The following ZNF503 variants were observed in gnomAD, a reference collection of about 807,000 sequenced individuals.
ZNF503 encodes the protein NocA-like zinc finger 2.
Under a neutral mutation model 34.4 loss-of-function variants are expected in ZNF503, and 15 were observed. The ratio of observed to expected loss-of-function variants is 0.44; its 90% CI spans 0.29 to 0.67. The LOEUF (loss-of-function observed/expected upper bound fraction) is 0.67. ZNF503 is among the 30% of genes least tolerant of loss of function. The pLI is 0.13. For synonymous variants in ZNF503, 580 were observed against 456.8 expected (o/e 1.27, Z -3.44); for missense variants, 1,007 against 926.8 (o/e 1.09, Z -1.12).
chr10:75,300,427 G>A, the ZNF503 span, among the ~76,000 whole-genome samples: 12 of 152,104 alleles, frequency 7.9e-5, no homozygotes, highest in Non-Finnish European at 1.8e-4. Context: ...CTCAGTTTAC[G>A]AAAATGACGG....
the ZNF503 span, among the ~76,000 whole-genome samples, chr10:75,375,679 G>A: frequency 6.6e-6 from 1 of 152,072 alleles, no homozygotes; most frequent in Non-Finnish European, 1.5e-5. Context: ...ACCACACCCG[G>A]CTAATTTTTG....
chr10:75,290,221 G>A, the ZNF503 span, among the ~76,000 whole-genome samples: 1 of 152,272 alleles, frequency 6.6e-6, no homozygotes, highest in East Asian at 1.9e-4. Flanking sequence ...ACCCCATTCT[G>A]TTTATCCATT....
At chr10:75,288,461 T>C in the ZNF503 span, 1 of 152,448 alleles carries the variant, frequency 6.6e-6, no homozygotes, top group Admixed American at 6.5e-5. Context: ...TCCCAAACAG[T>C]AGCAGCAACA....
downstream of ZNF503, among the ~76,000 whole-genome samples, chr10:75,394,959 G>A (rs1209663988): frequency 1.3e-5 from 2 of 152,244 alleles, no homozygotes; most frequent in Non-Finnish European, 2.9e-5. Context: ...GGCACAGGTA[G>A]GGGGATAAGA....
chr10:75,344,402 T>C, the ZNF503 span, among the ~76,000 whole-genome samples: 2 of 152,234 alleles, frequency 1.3e-5, no homozygotes, highest in African/African-American at 2.4e-5. Flanking sequence ...GAAGACCAGA[T>C]GGCACAGCTC....
chr10:75,348,766 C>G, the ZNF503 span, among the ~76,000 whole-genome samples: 1 of 150,854 alleles, frequency 6.6e-6, no homozygotes, highest in East Asian at 2.0e-4. Flanking sequence ...CCCGCCTCAG[C>G]CTCCCAAAGT....
the ZNF503 span, among the ~76,000 whole-genome samples, chr10:75,305,981 G>C: frequency 6.6e-6 from 1 of 152,190 alleles, no homozygotes; most frequent in Non-Finnish European, 1.5e-5. Context: ...TAGCTGTTGT[G>C]AATAATGTTG....
chr10:75,353,772 GGATAAACA>G, the ZNF503 span, among the ~76,000 whole-genome samples: 1 of 152,136 alleles, frequency 6.6e-6, no homozygotes, highest in Non-Finnish European at 1.5e-5. Context: ...GATCACTCTG[GGATAAACA>G]GATAACCCCT....
chr10:75,341,771 C>T, the ZNF503 span, among the ~76,000 whole-genome samples: 1 of 152,168 alleles, frequency 6.6e-6, no homozygotes, highest in Non-Finnish European at 1.5e-5. Context: ...GTAGGACAGA[C>T]AACTTATTTT....
chr10:75,366,549 C>T, the ZNF503 span, among the ~76,000 whole-genome samples: 1 of 152,294 alleles, frequency 6.6e-6, no homozygotes, highest in South Asian at 2.1e-4. Context: ...CCTCTGTGTC[C>T]CCACATGTAA....
the ZNF503 span, among the ~76,000 whole-genome samples, chr10:75,365,393 G>A: frequency 1.3e-5 from 2 of 152,216 alleles, no homozygotes; most frequent in Non-Finnish European, 2.9e-5. Flanking sequence ...TGATCCGCCT[G>A]CCTTGGCCTC....
the ZNF503 span, among the ~76,000 whole-genome samples, chr10:75,389,585 C>T: frequency 6.6e-6 from 1 of 152,116 alleles, no homozygotes; most frequent in Admixed American, 6.5e-5. Context: ...CAAAAAATAG[C>T]CGGATGTGGT....
In ZNF503 at chr10:75,401,458, T is replaced by G. The variant is rs1240403301; in HGVS notation, c.-39A>C. ...GCATGGGAGCAGCGGGGGGGAGGGC[T>G]CCGGGAGGCGCGGGGCGGGCTCGGG... is the stretch of plus-strand genomic sequence containing the variant. On this transcript the variant is annotated 5_prime_UTR_variant, in exon 1 of 2. Coordinates refer to ENST00000372524, the MANE Select transcript of ZNF503 (RefSeq NM_032772.6). The G allele has an allele frequency of 3.3e-6, 5 of 1,508,434 alleles. No homozygotes were observed. Among genetic ancestry groups the G allele is most frequent in the Non-Finnish European group, 4.4e-6 (5 of 1,136,450 alleles). 93.4% of individuals were successfully genotyped at this position (1,508,434 alleles called of 1,614,324 possible).
the ZNF503 span, among the ~76,000 whole-genome samples, chr10:75,357,286 G>A: frequency 6.6e-6 from 1 of 151,998 alleles, no homozygotes; most frequent in African/African-American, 2.4e-5. Flanking sequence ...GGGGGGCAGA[G>A]CTTTGAGGAC....
chr10:75,367,933 G>A, the ZNF503 span, among the ~76,000 whole-genome samples: 1 of 152,168 alleles, frequency 6.6e-6, no homozygotes, highest in Admixed American at 6.5e-5. Flanking sequence ...GCTTGGCCCT[G>A]CCTTTTTCCA....
At chr10:75,292,211 A>G in the ZNF503 span, among the ~76,000 whole-genome samples, 2 of 152,224 alleles carry the variant, frequency 1.3e-5, no homozygotes, top group African/African-American at 4.8e-5. Flanking sequence ...ACTCATGTAC[A>G]TATACATAAA....
chr10:75,333,210 G>C, the ZNF503 span, among the ~76,000 whole-genome samples: 1 of 113,560 alleles, frequency 8.8e-6, no homozygotes, highest in African/African-American at 3.6e-5. Flanking sequence ...CTCCCGGACG[G>C]GGCGGCTGGC....
Position 75,401,462 on chromosome 10 carries a change from G to A in ZNF503, c.-43C>T. 6.6e-7 allele frequency: 1 copy of A among 1,506,798 alleles called. No homozygotes were observed. 93.3% of individuals were successfully genotyped at this position (1,506,798 alleles called of 1,614,324 possible). A position where few individuals can be genotyped will look rare whatever the true frequency, so the allele number is the denominator to read the frequency against. On this transcript the variant is annotated 5_prime_UTR_variant, in exon 1 of 2. Coordinates refer to ENST00000372524, the MANE Select transcript of ZNF503 (RefSeq NM_032772.6). ...GGGAGCAGCGGGGGGGAGGGCTCCG[G>A]GAGGCGCGGGGCGGGCTCGGGGCTG...
At chr10:75,373,427 G>A in the ZNF503 span, 2 of 152,178 alleles carry the variant, frequency 1.3e-5, no homozygotes, top group Non-Finnish European at 2.9e-5. Context: ...ATAAACCTGC[G>A]TGTACCTCCT....
Sources: gnomAD v4.1 joint callset for allele counts (sites outside exome capture counted in the v4.1 genomes callset) on GRCh38, gnomAD v4.1.1 for gene constraint, MANE v1.5 for transcripts, NCBI Gene and HGNC (gene_info 2026-07-23, HGNC 2026-07-21) for gene names.